Variants in FBRSL1 observed in about 807,000 individuals in gnomAD.
FBRSL1 encodes the protein fibrosin like 1, also known as fibrosin-1-like protein.
FBRSL1 carries 51 observed loss-of-function variants against 89.6 expected under a neutral mutation model. The observed-to-expected ratio is 0.57, with a 90% CI of 0.45 to 0.72. The LOEUF is 0.72. Among genes scored for constraint, FBRSL1 ranks in the 30% least tolerant of loss-of-function variants. FBRSL1 has a pLI of 0.00. For synonymous variants in FBRSL1, 779 were observed against 681.1 expected (o/e 1.14, Z -2.24); for missense variants, 1,618 against 1,451.8 (o/e 1.11, Z -1.86).
intron 5 of FBRSL1, chr12:132,551,820 A>G (rs923617166): frequency 2.9e-6 from 1 of 344,016 alleles, no homozygotes; most frequent in Non-Finnish European, 5.8e-6. Context: ...TTTGTGTCTA[A>G]CCACTTTTTC....
At chr12:132,495,726 C>T (rs777781094) in intron 1 of FBRSL1, among the ~76,000 whole-genome samples, 1 of 152,212 alleles carries the variant, frequency 6.6e-6, no homozygotes, top group Non-Finnish European at 1.5e-5. Flanking sequence ...AAGGGCTGCT[C>T]CCTCCGGGGA....
chr12:132,556,384 G>C (rs558717979), intron 5 of FBRSL1, among the ~76,000 whole-genome samples: 2 of 152,302 alleles, frequency 1.3e-5, no homozygotes, highest in South Asian at 2.1e-4. Context: ...ACACAGGCCG[G>C]GCAACAGCAG....
At chr12:132,526,008 G>A (rs542333566) in intron 3 of FBRSL1, among the ~76,000 whole-genome samples, 185 bp downstream of exon 3, 1 of 152,382 alleles carries the variant, frequency 6.6e-6, no homozygotes, top group African/African-American at 2.4e-5. Context: ...GAAGCCGCTG[G>A]TTAGGGTCCG....
At chr12:132,518,095 G>A (rs2035006712) in intron 2 of FBRSL1, among the ~76,000 whole-genome samples, 1 of 152,100 alleles carries the variant, frequency 6.6e-6, no homozygotes. Context: ...TGCACAGGCA[G>A]GGCCTTGCAG....
intron 1 of FBRSL1, among the ~76,000 whole-genome samples, chr12:132,496,329 G>A (rs539400590): frequency 6.6e-6 from 1 of 152,240 alleles, no homozygotes; most frequent in Non-Finnish European, 1.5e-5. Context: ...AGAAAGAGAA[G>A]TGCCCAGAAC....
chr12:132,508,467 C>A, intron 2 of FBRSL1, 117 bp downstream of exon 2: 1 of 1,188,784 alleles, frequency 8.4e-7, no homozygotes, highest in Non-Finnish European at 1.1e-6. Context: ...TGGCAGCGCG[C>A]CCATCGTTGT....
intron 5 of FBRSL1, among the ~76,000 whole-genome samples, chr12:132,559,027 G>C (rs1430395987): frequency 6.6e-6 from 1 of 152,256 alleles, no homozygotes; most frequent in Non-Finnish European, 1.5e-5. Flanking sequence ...ACCTGAGTGG[G>C]CGCTGGGATG....
chr12:132,579,438 C>T (rs2040600773), intron 15 of FBRSL1, among the ~76,000 whole-genome samples: 1 of 152,214 alleles, frequency 6.6e-6, no homozygotes, highest in Non-Finnish European at 1.5e-5. Context: ...AAGTTACATT[C>T]TTAAGCTGTT....
Position 132,583,450 on chromosome 12 carries a change from G to T in FBRSL1, c.2681G>T (p.Ser894Ile). The change falls in exon 19 of 19, where the codon AGC becomes ATC. Residue 894 changes from serine (S) to isoleucine (I), a missense_variant. Transcript: ENST00000680143. ...CGCGACCGCGAGCCCCACGGCTACA[G>T]CCCCGAGCGCCTGCGCGGGGAGCTG... ...PYRDREPHGY[S>I]PERLRGELER... 1.9e-6 allele frequency: 2 copies of T among 1,064,048 alleles called. No individual in the cohort carries two copies. The highest frequency in any genetic ancestry group is 2.9e-5 in the South Asian group (1 of 33,986). 65.9% of individuals were successfully genotyped at this position (1,064,048 alleles called of 1,614,324 possible). A position where few individuals can be genotyped will look rare whatever the true frequency, so the allele number is the denominator to read the frequency against.
chr12:132,567,455 C>T (rs1353380991), intron 5 of FBRSL1, 26 bp from the exon 6 acceptor site: 3 of 1,550,878 alleles, frequency 1.9e-6, no homozygotes, highest in East Asian at 4.9e-5. Flanking sequence ...CCCTGACTGC[C>T]CCTGACCCCC....
chr12:132,562,556 G>A (rs962585247), intron 5 of FBRSL1, among the ~76,000 whole-genome samples: 2 of 40,470 alleles, frequency 4.9e-5, no homozygotes, highest in African/African-American at 1.3e-4. Flanking sequence ...CAGAAGCCTG[G>A]GCTGCAGGAC....
chr12:132,547,784 AC>A (rs990963531), intron 4 of FBRSL1, among the ~76,000 whole-genome samples: 31 of 151,842 alleles, frequency 2.0e-4, no homozygotes, highest in African/African-American at 7.5e-4. Flanking sequence ...TGTCCATCCC[AC>A]CCGGGGGGCT....
chr12:132,568,322 A>G (rs983056625), intron 6 of FBRSL1, among the ~76,000 whole-genome samples: 14 of 152,378 alleles, frequency 9.2e-5, no homozygotes, highest in East Asian at 3.9e-4. Flanking sequence ...GGCCCTGCCA[A>G]TGCCGGCAAG....
chr12:132,541,137 G>T (rs1410196510), intron 4 of FBRSL1, among the ~76,000 whole-genome samples: 1 of 149,898 alleles, frequency 6.7e-6, no homozygotes, highest in Non-Finnish European at 1.5e-5. Context: ...AGGCATGTCA[G>T]GTGCAAATCC....
intron 4 of FBRSL1, among the ~76,000 whole-genome samples, chr12:132,545,300 C>T (rs1009649844): frequency 9.2e-5 from 14 of 152,368 alleles, no homozygotes; most frequent in African/African-American, 2.2e-4. Flanking sequence ...GGTCGCCTCA[C>T]TCGGGCAGCT....
intron 2 of FBRSL1, among the ~76,000 whole-genome samples, 183 bp from the exon 3 acceptor site, chr12:132,525,551 G>T (rs760647201): frequency 3.9e-5 from 6 of 152,160 alleles, no homozygotes; most frequent in Non-Finnish European, 7.4e-5. Flanking sequence ...TGCTGCTCCC[G>T]CCCCCAGACC....
At chr12:132,506,066 G>A (rs1317160687) in intron 1 of FBRSL1, among the ~76,000 whole-genome samples, 2 of 152,216 alleles carry the variant, frequency 1.3e-5, no homozygotes, top group East Asian at 3.8e-4. Context: ...CATGCTGTCT[G>A]TTCTCTAGAA....
chr12:132,529,649 T>C (rs930748725), intron 4 of FBRSL1, among the ~76,000 whole-genome samples: 1 of 150,054 alleles, frequency 6.7e-6, no homozygotes, highest in Non-Finnish European at 1.5e-5. Flanking sequence ...TCTGCCACCC[T>C]GGGCTTGGCT....
At chr12:132,502,483 C>G (rs79064168) in intron 1 of FBRSL1, among the ~76,000 whole-genome samples, 5 of 152,276 alleles carry the variant, frequency 3.3e-5, no homozygotes, top group African/African-American at 9.6e-5. Context: ...GAGGAACGTC[C>G]GAGTGCACAG....
Sources: gnomAD v4.1 joint callset for allele counts (sites outside exome capture counted in the v4.1 genomes callset) on GRCh38, gnomAD v4.1.1 for gene constraint, MANE v1.5 for transcripts, NCBI Gene and HGNC (gene_info 2026-07-23, HGNC 2026-07-21) for gene names.